ERCC6L2: variants seen among roughly 807,000 people sequenced by gnomAD.
ERCC6L2 encodes the protein ERCC excision repair 6 like 2.
In ERCC6L2, 77 loss-of-function variants were observed where a neutral mutation model predicts 132.0. The observed-to-expected ratio is 0.58, with a 90% confidence interval of 0.49 to 0.71. The LOEUF is 0.71. Among genes scored for constraint, ERCC6L2 ranks in the 30% least tolerant of loss-of-function variants. The pLI, the probability that ERCC6L2 is intolerant of heterozygous loss-of-function variation, is 0.00. For synonymous variants in ERCC6L2, 583 were observed against 632.4 expected (o/e 0.92, Z 1.17); for missense variants, 1,542 against 1,837.6 (o/e 0.84, Z 2.94).
chr9:95,941,722 A>C (rs1259431625), intron 12 of ERCC6L2, among the ~76,000 whole-genome samples, 173 bp downstream of exon 12: 1 of 152,184 alleles, frequency 6.6e-6, no homozygotes, highest in Admixed American at 6.5e-5. Flanking sequence ...GTCCAAAAAT[A>C]GCCATTTTTC....
chr9:95,974,725 TGTGTGTG>T (rs1564278984), intron 16 of ERCC6L2, among the ~76,000 whole-genome samples: 1 of 113,208 alleles, frequency 8.8e-6, no homozygotes, highest in East Asian at 2.6e-4. Context: ...GCCAGATTTG[TGTGTGTG>T]TGTGTGTGTG....
At chr9:95,903,531 A>G (rs1010184752) in intron 3 of ERCC6L2, among the ~76,000 whole-genome samples, 33 of 151,780 alleles carry the variant, frequency 2.2e-4, no homozygotes, top group Non-Finnish European at 4.0e-4. Context: ...CTCTTTTTTA[A>G]TTGCAAGAGT....
chr9:95,923,624 T>A (rs1829975366), intron 9 of ERCC6L2, among the ~76,000 whole-genome samples: 1 of 152,212 alleles, frequency 6.6e-6, no homozygotes, highest in South Asian at 2.1e-4. Flanking sequence ...TCCTTATTGA[T>A]ATATTGGACT....
chr9:96,026,771 A>C (rs1329538214), intron 19 of ERCC6L2, among the ~76,000 whole-genome samples: 3 of 112,474 alleles, frequency 2.7e-5, no homozygotes, highest in Non-Finnish European at 5.2e-5. Flanking sequence ...CAAACACACC[A>C]CACACAAACA....
chr9:95,950,939 T>C (rs1045439645), intron 12 of ERCC6L2, among the ~76,000 whole-genome samples: 23 of 152,088 alleles, frequency 1.5e-4, no homozygotes, highest in African/African-American at 4.8e-4. Context: ...GATCAATAAG[T>C]AAGGAGAGGA....
intron 15 of ERCC6L2, among the ~76,000 whole-genome samples, chr9:95,971,133 A>G (rs547711994): frequency 6.6e-6 from 1 of 152,260 alleles, no homozygotes; most frequent in East Asian, 1.9e-4. Context: ...GGCCATCTTA[A>G]AGGTAAAAAA....
At chr9:95,997,678 A>T (rs1833517194) in intron 17 of ERCC6L2, among the ~76,000 whole-genome samples, 1 of 152,200 alleles carries the variant, frequency 6.6e-6, no homozygotes, top group African/African-American at 2.4e-5. Context: ...GTATGCTTGT[A>T]TTATCTTTTA....
intron 12 of ERCC6L2, among the ~76,000 whole-genome samples, chr9:95,952,198 A>G (rs558474787): frequency 2.2e-3 from 335 of 149,630 alleles, no homozygotes; most frequent in Non-Finnish European, 3.7e-3. Context: ...ATTTGCACCA[A>G]TCCTTCTCAA....
intron 11 of ERCC6L2, among the ~76,000 whole-genome samples, chr9:95,936,953 A>G (rs1037819801): frequency 3.9e-5 from 6 of 152,154 alleles, no homozygotes; most frequent in African/African-American, 1.2e-4. Flanking sequence ...GTATGTATCA[A>G]TGGTTCTTTT....
intron 17 of ERCC6L2, among the ~76,000 whole-genome samples, chr9:96,001,903 G>C (rs1466858100): frequency 6.6e-6 from 1 of 152,248 alleles, no homozygotes; most frequent in Admixed American, 6.5e-5. Context: ...ATCGAGCGTA[G>C]CACCAGTGGG....
At chr9:95,940,497 T>C (rs1830747822) in intron 11 of ERCC6L2, among the ~76,000 whole-genome samples, 1 of 152,150 alleles carries the variant, frequency 6.6e-6, no homozygotes, top group African/African-American at 2.4e-5. Context: ...TCATGAGCTA[T>C]TTAAGTGTAT....
intron 17 of ERCC6L2, among the ~76,000 whole-genome samples, chr9:95,992,155 G>A (rs1021989862): frequency 1.3e-5 from 2 of 152,052 alleles, no homozygotes; most frequent in South Asian, 2.1e-4. Context: ...ACATAGCCAC[G>A]CTTCTCACTA....
rs1226367907 is a variant in ERCC6L2 at position 96,014,013 on chromosome 9, T to C, written c.*810T>C. 6.6e-6 allele frequency: 1 copy of C among 152,230 alleles called. No homozygotes were observed. Among genetic ancestry groups the C allele is most frequent in the Non-Finnish European group, 1.5e-5 (1 of 68,030 alleles). 9.4% of individuals were successfully genotyped at this position (152,230 alleles called of 1,614,324 possible). A position where few individuals can be genotyped will look rare whatever the true frequency, so the allele number is the denominator to read the frequency against. Reference sequence around the variant, plus strand: ...TGTTATATTTTGAGTGTAATATTTATGGTTTATAGCAAAATGAATGTGCTT... The same window carrying C: ...TGTTATATTTTGAGTGTAATATTTACGGTTTATAGCAAAATGAATGTGCTT... On this transcript the variant is annotated 3_prime_UTR_variant, in exon 19 of 19. Transcript: ENST00000653738.
At chr9:95,909,007 A>T (rs951938661) in intron 4 of ERCC6L2, among the ~76,000 whole-genome samples, 2 of 152,218 alleles carry the variant, frequency 1.3e-5, no homozygotes, top group Admixed American at 1.3e-4. Flanking sequence ...CTTTGGGTAA[A>T]TTAGCCCATC....
intron 18 of ERCC6L2, 79 bp from the exon 19 acceptor site, chr9:96,012,146 T>C (rs1286349219): frequency 1.0e-6 from 1 of 980,802 alleles, no homozygotes; most frequent in Non-Finnish European, 1.3e-6. Context: ...GGACTCTACA[T>C]TTCCTCTTAC....
At chr9:95,924,778 T>A (rs530193575) in intron 9 of ERCC6L2, among the ~76,000 whole-genome samples, 1 of 152,348 alleles carries the variant, frequency 6.6e-6, no homozygotes, top group South Asian at 2.1e-4. Flanking sequence ...AATTTAATTT[T>A]ATTTTAATTT....
At chr9:95,894,880 G>A (rs62559057) in intron 2 of ERCC6L2, among the ~76,000 whole-genome samples, 14,557 of 152,180 alleles carry the variant, frequency 0.096, 800 homozygotes, top group Admixed American at 0.14. Flanking sequence ...ACAGGCGTGA[G>A]CCACTGCACC....
At chr9:96,030,473 G>A (rs937214203) in intron 19 of ERCC6L2, among the ~76,000 whole-genome samples, 5 of 152,078 alleles carry the variant, frequency 3.3e-5, no homozygotes, top group African/African-American at 7.2e-5. Flanking sequence ...CAAAGCAGGC[G>A]GATCACGATG....
chr9:95,935,786 A>G (rs1830528166), intron 11 of ERCC6L2, among the ~76,000 whole-genome samples: 1 of 152,184 alleles, frequency 6.6e-6, no homozygotes, highest in Non-Finnish European at 1.5e-5. Context: ...TCTGATGAAT[A>G]GGAATTAATG....
Sources: allele counts gnomAD v4.1 joint callset (sites outside exome capture counted in the v4.1 genomes callset), GRCh38; gene constraint gnomAD v4.1.1; transcripts MANE v1.5; gene names NCBI Gene and HGNC (gene_info 2026-07-23, HGNC 2026-07-21).